The following HERC3 variants were observed in gnomAD, a reference collection of about 807,000 sequenced individuals.
HERC3 encodes the protein HECT and RLD domain containing E3 ubiquitin protein ligase 3.
A neutral mutation model predicts 129.9 loss-of-function variants in HERC3; 58 were observed. The observed-to-expected ratio is 0.45, with a 90% CI of 0.36 to 0.56. The LOEUF (loss-of-function observed/expected upper bound fraction) is 0.56, where lower values mean the gene tolerates loss of function less well. Ranked by LOEUF, HERC3 falls within the 20% of genes least tolerant of loss-of-function variation. The pLI, the probability that HERC3 is intolerant of heterozygous loss-of-function variation, is 0.00. For missense variants in HERC3, 835 were observed against 1,244.2 expected, an observed-to-expected ratio of 0.67 and a Z score of 4.95; for synonymous variants, 430 against 451.0, an observed-to-expected ratio of 0.95 and a Z score of 0.59.
intron 2 of HERC3, among the ~76,000 whole-genome samples, chr4:88,604,834 C>A (rs1397731007): frequency 6.6e-6 from 1 of 152,158 alleles, no homozygotes; most frequent in African/African-American, 2.4e-5. Context: ...TCAGGAACTG[C>A]CAGACATTTT....
intron 1 of HERC3, among the ~76,000 whole-genome samples, chr4:88,595,322 A>G (rs901523867): frequency 3.9e-5 from 6 of 152,146 alleles, no homozygotes; most frequent in African/African-American, 9.7e-5. Flanking sequence ...GGTGATATCT[A>G]TATCTCTAGT....
At chr4:88,559,960 A>AATTTTTTT in the HERC3 span, among the ~76,000 whole-genome samples, 1 of 119,554 alleles carries the variant, frequency 8.4e-6, no homozygotes. Context: ...GTTATTTTTG[A>AATTTTTTT]TTTTTTTTTT....
chr4:88,555,009 C>G, the HERC3 span, among the ~76,000 whole-genome samples: 1 of 150,192 alleles, frequency 6.7e-6, no homozygotes, highest in Non-Finnish European at 1.5e-5. Flanking sequence ...ATATCGTGGC[C>G]GTGCAGTGGC....
intron 3 of HERC3, among the ~76,000 whole-genome samples, chr4:88,632,244 A>G (rs1486279235): frequency 6.6e-6 from 1 of 152,198 alleles, no homozygotes; most frequent in Non-Finnish European, 1.5e-5. Context: ...CTAATAGATA[A>G]CCACTCAGAC....
At chr4:88,577,111 G>T in the HERC3 span, among the ~76,000 whole-genome samples, 1 of 152,176 alleles carries the variant, frequency 6.6e-6, no homozygotes, top group African/African-American at 2.4e-5. Context: ...TTGTGGAAGG[G>T]GTATACAACT....
chr4:88,687,237 A>G lies in HERC3; in HGVS notation c.2595A>G (p.Gly865=). The change falls in exon 23 of 26, where the codon GGA becomes GGG. Residue 865 remains glycine (G), a synonymous_variant. Coordinates refer to ENST00000402738, the MANE Select transcript of HERC3 (RefSeq NM_014606.3). The part of the protein sequence containing the change: ...LNFTICRESY[G]VIEQKKLIPG... ...TATAGATCTGCCGAGAAAGCTATGG[A>G]GTGATTGAACAGAAGAAGCTGATAC... 1 of 1,612,334 alleles carries G rather than the reference A, an allele frequency of 6.2e-7. No individual in the cohort carries two copies. Among genetic ancestry groups the G allele is most frequent in the Non-Finnish European group, 8.5e-7 (1 of 1,178,644 alleles).
chr4:88,593,429 A>G (rs969836983), intron 1 of HERC3: 1 of 152,398 alleles, frequency 6.6e-6, no homozygotes, highest in South Asian at 2.1e-4. Context: ...AGGTGAGCCT[A>G]TGGAGACAGT....
chr4:88,647,651 TATG>T (rs545556110), intron 3 of HERC3, among the ~76,000 whole-genome samples: 193 of 152,278 alleles, frequency 1.3e-3, no homozygotes, highest in African/African-American at 4.1e-3. Flanking sequence ...TTCTGTTTAT[TATG>T]GTAATTTCTC....
the HERC3 span, among the ~76,000 whole-genome samples, chr4:88,574,272 T>C: frequency 2.6e-5 from 4 of 152,210 alleles, no homozygotes; most frequent in African/African-American, 9.6e-5. Context: ...TGCAGCTTTA[T>C]GCACATTCCA....
chr4:88,701,595 A>G (rs936768962), intron 23 of HERC3, among the ~76,000 whole-genome samples: 1 of 152,148 alleles, frequency 6.6e-6, no homozygotes, highest in Non-Finnish European at 1.5e-5. Context: ...GTCAACAGGT[A>G]TTTGCTTCAG....
At chr4:88,547,944 C>T in the HERC3 span, among the ~76,000 whole-genome samples, 1 of 152,226 alleles carries the variant, frequency 6.6e-6, no homozygotes, top group Non-Finnish European at 1.5e-5. Flanking sequence ...GTAAGAGCCA[C>T]TGTGCCCAGC....
chr4:88,697,410 G>A (rs1734732355), intron 23 of HERC3: 2 of 1,613,870 alleles, frequency 1.2e-6, no homozygotes, highest in Admixed American at 1.7e-5. Context: ...TGGCGAGTAG[G>A]GGCTTATAGA....
chr4:88,574,029 C>T, the HERC3 span, among the ~76,000 whole-genome samples: 2 of 152,178 alleles, frequency 1.3e-5, no homozygotes, highest in Admixed American at 6.5e-5. Context: ...TCTGAGGCAG[C>T]CAGATCACAG....
At chr4:88,530,517 C>T in the HERC3 span, among the ~76,000 whole-genome samples, 1 of 152,076 alleles carries the variant, frequency 6.6e-6, no homozygotes, top group African/African-American at 2.4e-5. Flanking sequence ...GTCTTATAGC[C>T]GTAAGAAATT....
At chr4:88,555,917 G>A in the HERC3 span, among the ~76,000 whole-genome samples, 3 of 152,194 alleles carry the variant, frequency 2.0e-5, no homozygotes, top group African/African-American at 7.2e-5. Flanking sequence ...ACCTAGATGA[G>A]AGAATAGACT....
the HERC3 span, among the ~76,000 whole-genome samples, chr4:88,553,838 T>C: frequency 6.6e-6 from 1 of 152,036 alleles, no homozygotes; most frequent in African/African-American, 2.4e-5. Flanking sequence ...GCGGCCACCA[T>C]ATAATTTCTA....
At chr4:88,645,420 A>T (rs1193470030) in intron 3 of HERC3, among the ~76,000 whole-genome samples, 1 of 152,192 alleles carries the variant, frequency 6.6e-6, no homozygotes, top group Non-Finnish European at 1.5e-5. Flanking sequence ...CCCTCTTTGT[A>T]CTATCAACTG....
intron 3 of HERC3, among the ~76,000 whole-genome samples, chr4:88,640,069 G>A (rs1054772385): frequency 1.1e-4 from 16 of 152,112 alleles, no homozygotes; most frequent in Non-Finnish European, 2.9e-5. Flanking sequence ...TTAAAAAGTT[G>A]AGAAACAATA....
chr4:88,619,658 C>T (rs931436262), intron 3 of HERC3, among the ~76,000 whole-genome samples: 4 of 152,150 alleles, frequency 2.6e-5, no homozygotes, highest in East Asian at 1.9e-4. Flanking sequence ...CATCCCATAA[C>T]GAAGCCAAAA....
Sources: allele counts gnomAD v4.1 joint callset (sites outside exome capture counted in the v4.1 genomes callset), GRCh38; gene constraint gnomAD v4.1.1; transcripts MANE v1.5; gene names NCBI Gene and HGNC (gene_info 2026-07-23, HGNC 2026-07-21).